Variants in ZPLD1 observed in about 807,000 individuals in gnomAD.
ZPLD1 encodes zona pellucida like domain containing 1, also known as zona pellucida-like domain-containing protein 1.
Under a neutral mutation model 47.2 loss-of-function variants are expected in ZPLD1, and 34 were observed. The observed-to-expected ratio is 0.72, with a 90% confidence interval of 0.55 to 0.96. ZPLD1 has a LOEUF of 0.96. Among genes scored for constraint, ZPLD1 ranks in the 40% least tolerant of loss-of-function variants. The pLI, the probability that ZPLD1 is intolerant of heterozygous loss-of-function variation, is 0.00. For missense variants in ZPLD1, 512 were observed against 505.8 expected, an observed-to-expected ratio of 1.01 and a Z score of -0.12; for synonymous variants, 176 against 186.2, an observed-to-expected ratio of 0.95 and a Z score of 0.45.
At chr3:102,452,788 T>G in intron 3 of ZPLD1, 131 bp from the exon 4 acceptor site, 4 of 1,009,130 alleles carry the variant, frequency 4.0e-6, no homozygotes, top group Non-Finnish European at 5.7e-6. Context: ...GCACATTGGA[T>G]TATGGTGTAT....
intron 4 of ZPLD1, 149 bp downstream of exon 4, chr3:102,453,288 T>A (rs1240835383): frequency 1.1e-5 from 8 of 710,882 alleles, no homozygotes; most frequent in Admixed American, 5.5e-5. Flanking sequence ...AGGCATGCAC[T>A]AGCAAATATA....
chr3:102,424,616 C>T (rs1043027327), intron 8 of ZPLD1, among the ~76,000 whole-genome samples: 1 of 151,936 alleles, frequency 6.6e-6, no homozygotes, highest in African/African-American at 2.4e-5. Context: ...CCATGGGTAC[C>T]ATGTTGCTGT....
intron 7 of ZPLD1, among the ~76,000 whole-genome samples, chr3:102,393,863 A>G (rs1440484119): frequency 6.6e-6 from 1 of 152,150 alleles, no homozygotes; most frequent in East Asian, 1.9e-4. Context: ...TTTACCTGAG[A>G]TCTTCGTGAT....
chr3:102,450,257 T>C (rs1707315677), intron 3 of ZPLD1, among the ~76,000 whole-genome samples: 1 of 152,194 alleles, frequency 6.6e-6, no homozygotes, highest in Non-Finnish European at 1.5e-5. Context: ...TACTGAGGAA[T>C]AATTTACATA....
chr3:102,475,756 G>A (rs1004271919), intron 10 of ZPLD1, among the ~76,000 whole-genome samples: 1 of 152,038 alleles, frequency 6.6e-6, no homozygotes, highest in Non-Finnish European at 1.5e-5. Flanking sequence ...AATGAGTGCT[G>A]TATTAATTTT....
chr3:102,397,770 G>A (rs1462066234), intron 7 of ZPLD1, among the ~76,000 whole-genome samples: 1 of 152,092 alleles, frequency 6.6e-6, no homozygotes, highest in Non-Finnish European at 1.5e-5. Flanking sequence ...GGATCTTAAT[G>A]CAATTATCGC....
At chr3:102,391,292 A>G (rs1461379339) in intron 6 of ZPLD1, among the ~76,000 whole-genome samples, 1 of 152,184 alleles carries the variant, frequency 6.6e-6, no homozygotes, top group African/African-American at 2.4e-5. Context: ...GCCCCAGACT[A>G]AAAGCAAAGA....
At chr3:102,467,890 C>A (rs1304033773) in intron 8 of ZPLD1, among the ~76,000 whole-genome samples, 1 of 147,224 alleles carries the variant, frequency 6.8e-6, no homozygotes, top group African/African-American at 2.5e-5. Context: ...ATGTCCAAAG[C>A]CAAATAACAA....
intron 10 of ZPLD1, among the ~76,000 whole-genome samples, chr3:102,472,834 A>C (rs979286300): frequency 2.0e-5 from 3 of 152,206 alleles, no homozygotes; most frequent in African/African-American, 7.2e-5. Context: ...AAAACTAAGT[A>C]TTACAAATTT....
At position 102,464,238 on chromosome 3, in the gene ZPLD1, G is replaced by A. The variant is rs745386756; in HGVS notation, c.748G>A (p.Asp250Asn). Residue 250 changes from aspartate to asparagine, a missense_variant, in exon 8 of 12, where the codon GAT becomes AAT. Asp to Asn is a conservative substitution (Grantham distance 23). Transcript: ENST00000466937. ...AAACCCAAATGATGACATTCGATATGATCTTTTCCTTAGGTAAGACTTAGC... is the reference window on the plus strand; with the variant it reads ...AAACCCAAATGATGACATTCGATATAATCTTTTCCTTAGGTAAGACTTAGC... The part of the protein sequence containing the change: ...SGNPNDDIRY[D>N]LFLSCDKDPQ... The A allele has an allele frequency of 9.3e-6, 15 of 1,611,634 alleles. No individual in the cohort carries two copies. Among genetic ancestry groups the A allele is most frequent in the Non-Finnish European group, 1.3e-5 (15 of 1,177,942 alleles).
At chr3:102,445,045 C>T (rs576948370) in intron 3 of ZPLD1, among the ~76,000 whole-genome samples, 1 of 152,294 alleles carries the variant, frequency 6.6e-6, no homozygotes, top group South Asian at 2.1e-4. Context: ...GTGCTACAGG[C>T]ACCACCACTG....
intron 7 of ZPLD1, among the ~76,000 whole-genome samples, chr3:102,405,786 A>G (rs1706674495): frequency 6.6e-6 from 1 of 152,006 alleles, no homozygotes; most frequent in Non-Finnish European, 1.5e-5. Context: ...TTTCTTTAAA[A>G]GAGGCCTGGA....
At chr3:102,438,663 T>A in intron 3 of ZPLD1, 70 bp downstream of exon 3, 1 of 1,181,634 alleles carries the variant, frequency 8.5e-7, no homozygotes, top group Non-Finnish European at 1.2e-6. Context: ...GCAAGTCATT[T>A]AAATATATAT....
In ZPLD1 at chr3:102,435,154, G is replaced by T; in HGVS notation, c.-123G>T. On this transcript the variant is annotated splice_region_variant and 5_prime_UTR_variant, in exon 1 of 12. The change creates a new upstream start codon in the 5' untranslated region. Transcript: ENST00000466937. ...TTCCATGTGCAGGGGAAATGATGAA[G>T]GTAAGGTTGAGGATGGGAAATTTGC... is the stretch of plus-strand genomic sequence containing the variant. 6.2e-7 allele frequency: 1 copy of T among 1,614,096 alleles called. No homozygotes were observed. Among genetic ancestry groups the T allele is most frequent in the Non-Finnish European group, 8.5e-7 (1 of 1,179,972 alleles).
At chr3:102,438,986 CA>C (rs755383449) in intron 3 of ZPLD1, among the ~76,000 whole-genome samples, 1 of 151,726 alleles carries the variant, frequency 6.6e-6, no homozygotes, top group Non-Finnish European at 1.5e-5. Context: ...TTGTACAATA[CA>C]AAAAAATGCT....
intron 3 of ZPLD1, among the ~76,000 whole-genome samples, chr3:102,449,711 G>A (rs116822925): frequency 6.2e-4 from 94 of 152,160 alleles, no homozygotes; most frequent in South Asian, 1.5e-3. Context: ...TAGCATTATT[G>A]TTAATTTCTT....
intron 8 of ZPLD1, among the ~76,000 whole-genome samples, chr3:102,420,661 A>G (rs1434618077): frequency 6.6e-6 from 1 of 151,836 alleles, no homozygotes; most frequent in East Asian, 1.9e-4. Context: ...TGGACCATAC[A>G]AAAATAGGTG....
intron 7 of ZPLD1, among the ~76,000 whole-genome samples, chr3:102,411,583 T>C (rs1306403289): frequency 6.6e-6 from 1 of 151,824 alleles, no homozygotes; most frequent in African/African-American, 2.4e-5. Context: ...TTCTATCATC[T>C]GTATTTGAGA....
At chr3:102,466,677 G>A (rs1236400498) in intron 8 of ZPLD1, among the ~76,000 whole-genome samples, 1 of 151,948 alleles carries the variant, frequency 6.6e-6, no homozygotes, top group Non-Finnish European at 1.5e-5. Context: ...TGAGAGGAAG[G>A]GACATGTAAT....
Sources: gnomAD v4.1 joint callset for allele counts (sites outside exome capture counted in the v4.1 genomes callset) on GRCh38, gnomAD v4.1.1 for gene constraint, MANE v1.5 for transcripts, NCBI Gene and HGNC (gene_info 2026-07-23, HGNC 2026-07-21) for gene names.